Variants in SSNA1 observed in about 807,000 individuals in gnomAD.
SSNA1 encodes SS nuclear autoantigen 1.
Under a neutral mutation model 13.3 loss-of-function variants are expected in SSNA1, and 13 were observed. That is an observed-to-expected ratio of 0.97 (90% CI 0.63 to 1.55). The LOEUF (loss-of-function observed/expected upper bound fraction) is 1.55. Ranked by LOEUF, SSNA1 falls within the 40% of genes most tolerant of loss-of-function variation. The pLI is 0.00. For synonymous variants in SSNA1, 89 were observed against 65.9 expected, an observed-to-expected ratio of 1.35 and a Z score of -1.70; for missense variants, 186 against 152.7, an observed-to-expected ratio of 1.22 and a Z score of -1.15.
Position 137,189,901 on chromosome 9 carries a change from G to C in SSNA1, c.347G>C (p.Gly116Ala). ...GCCCCAGACCAGAAAAGTAGCGGCG[G>C]CAGGGACAGCTGACCAGACCACGGG... is the stretch of plus-strand genomic sequence containing the variant. ...ATAPDQKSSG[G>A]RDS is the part of the protein sequence containing the mutation. The change falls in exon 3 of 3, where the codon GGC becomes GCC. Residue 116 changes from glycine (G) to alanine (A), a missense_variant. Coordinates refer to ENST00000322310, the MANE Select transcript of SSNA1 (RefSeq NM_003731.3). 1 of 1,613,424 alleles carries C rather than the reference G, an allele frequency of 6.2e-7. No individual in the cohort carries two copies. The highest frequency in any genetic ancestry group is 1.3e-5 in the African/African-American group (1 of 75,070).
In SSNA1 at chr9:137,189,063, C is replaced by CA. The variant is rs1293880723; in HGVS notation, c.53-2dup. 2 of 1,560,492 alleles carry CA rather than the reference C, an allele frequency of 1.3e-6. No homozygotes were observed. The highest frequency in any genetic ancestry group is 2.4e-5 in the East Asian group (1 of 41,422). On this transcript the variant is annotated splice_polypyrimidine_tract_variant and splice_region_variant and intron_variant, in intron 1 of 2. Transcript: ENST00000322310. ...CCACAGCGCCGCCCCTCCCGGCCCC[C>CA]AGGCATAGAGGAGCTGTGCCAGAAG...
Position 137,188,680 on chromosome 9 carries a change from C to T in SSNA1, c.-47C>T, listed in dbSNP as rs772302205. The T allele has an allele frequency of 2.5e-5, 40 of 1,572,394 alleles. No homozygotes were observed. Among genetic ancestry groups the T allele is most frequent in the East Asian group, 9.6e-5 (4 of 41,840 alleles). On this transcript the variant is annotated 5_prime_UTR_variant, in exon 1 of 3. Transcript: ENST00000322310. Reference sequence around the variant, plus strand: ...GAGTCGTGCGCAGGCGCGGACAGCGCTGCTTCCGCGGCGGTTGGGGTGGTG... The same window carrying T: ...GAGTCGTGCGCAGGCGCGGACAGCGTTGCTTCCGCGGCGGTTGGGGTGGTG...
chr9:137,189,232 G>A lies in SSNA1; in HGVS notation c.219G>A (p.Arg73=). 6.2e-7 allele frequency: 1 copy of A among 1,613,148 alleles called. No homozygotes were observed. Among genetic ancestry groups the A allele is most frequent in the Non-Finnish European group, 8.5e-7 (1 of 1,179,988 alleles). ...TTGCCTCTCGCAACGAGTTCGACCG[G>A]ACCATCGCGGAGACGGAGGCCGCCT... ...RKIASRNEFD[R]TIAETEAAYL... The change falls in exon 2 of 3, where the codon CGG becomes CGA. Residue 73 remains arginine, a synonymous_variant. Coordinates refer to ENST00000322310, the MANE Select transcript of SSNA1 (RefSeq NM_003731.3).
At chr9:137,189,351 T>A in intron 2 of SSNA1, 86 bp downstream of exon 2, 1 of 1,491,234 alleles carries the variant, frequency 6.7e-7, no homozygotes, top group Non-Finnish European at 9.2e-7. Flanking sequence ...CGGCTGGGGC[T>A]CCCGGCTGTG....
chr9:137,188,721 T>A lies in SSNA1; in HGVS notation c.-6T>A, dbSNP rs1366918887. The A allele has an allele frequency of 6.3e-7, 1 of 1,583,526 alleles. No individual in the cohort carries two copies. Among genetic ancestry groups the A allele is most frequent in the Non-Finnish European group, 8.5e-7 (1 of 1,172,876 alleles). On this transcript the variant is annotated 5_prime_UTR_variant, in exon 1 of 3. The change creates a new upstream start codon in the 5' untranslated region. Transcript: ENST00000322310. ...TGGGGTGGTGGGGCCCCGGGCGGCG[T>A]TGACCATGACCCAGCAGGGCGCGGC...
Position 137,190,005 on chromosome 9 carries a change from G to C in SSNA1, c.*91G>C. On this transcript the variant is annotated 3_prime_UTR_variant, in exon 3 of 3. Transcript: ENST00000322310. ...AGCATCTTTGTTCTTCACGGCAGCA[G>C]CTACCTTCCCTCACTGTCTCAGGTG... 2.6e-6 allele frequency: 3 copies of C among 1,172,400 alleles called. No homozygotes were observed. Among genetic ancestry groups the C allele is most frequent in the Non-Finnish European group, 3.7e-6 (3 of 809,160 alleles). The allele number at this position is 1,172,400 out of a possible 1,614,324, so 72.6% of individuals were successfully genotyped here. A position where few individuals can be genotyped will look rare whatever the true frequency, so the allele number is the denominator to read the frequency against.
rs541298663 is a variant in SSNA1, at chr9:137,189,051, C to T, written c.53-15C>T. ...CCTGCCCTGGGCCCACAGCGCCGCC[C>T]CTCCCGGCCCCCAGGCATAGAGGAG... On this transcript the variant is annotated splice_polypyrimidine_tract_variant and intron_variant, in intron 1 of 2. Coordinates refer to ENST00000322310, the MANE Select transcript of SSNA1 (RefSeq NM_003731.3). 33 of 1,553,796 alleles carry T rather than the reference C, an allele frequency of 2.1e-5. No homozygotes were observed. The highest frequency in any genetic ancestry group is 1.7e-4 in the Middle Eastern group (1 of 5,924).
chr9:137,190,259 G>A lies in SSNA1; in HGVS notation c.*345G>A. 3.2e-6 allele frequency: 1 copy of A among 314,750 alleles called. No individual in the cohort carries two copies. The highest frequency in any genetic ancestry group is 6.1e-6 in the Non-Finnish European group (1 of 164,488). 19.5% of individuals were successfully genotyped at this position (314,750 alleles called of 1,614,324 possible). ...ACCTTGTCCCTCCTCAGCCAGCAGA[G>A]GCCCAGGGCAAGGGACAGGAGGACA... On this transcript the variant is annotated 3_prime_UTR_variant, in exon 3 of 3. Transcript: ENST00000322310.
Position 137,189,982 on chromosome 9 carries a change from C to A in SSNA1, c.*68C>A. On this transcript the variant is annotated 3_prime_UTR_variant, in exon 3 of 3. Coordinates refer to ENST00000322310, the MANE Select transcript of SSNA1 (RefSeq NM_003731.3). ...AGCCCCAGCAAGTGTGTGCTCAGAG[C>A]ATCTTTGTTCTTCACGGCAGCAGCT... The A allele has an allele frequency of 7.2e-7, 1 of 1,386,108 alleles. No individual in the cohort carries two copies. Among genetic ancestry groups the A allele is most frequent in the Non-Finnish European group, 1.0e-6 (1 of 983,900 alleles). 85.9% of individuals were successfully genotyped at this position (1,386,108 alleles called of 1,614,324 possible). A position where few individuals can be genotyped will look rare whatever the true frequency, so the allele number is the denominator to read the frequency against.
Position 137,189,199 on chromosome 9 carries a change from A to C in SSNA1, c.186A>C (p.Ala62=). Residue 62 remains alanine (A), a synonymous_variant, in exon 2 of 3, where the codon GCA becomes GCC. Transcript: ENST00000322310. ...TGGCCCGCGTCAACGAGAACCTGGC[A>C]CGCAAGATTGCCTCTCGCAACGAGT... ...EKLARVNENL[A]RKIASRNEFD... 1 of 1,613,194 alleles carries C rather than the reference A, an allele frequency of 6.2e-7. No individual in the cohort carries two copies. Among genetic ancestry groups the C allele is most frequent in the Non-Finnish European group, 8.5e-7 (1 of 1,179,990 alleles).
chr9:137,189,244 G>C lies in SSNA1; in HGVS notation c.231G>C (p.Glu77Asp). The C allele has an allele frequency of 6.2e-7, 1 of 1,613,110 alleles. No individual in the cohort carries two copies. The highest frequency in any genetic ancestry group is 8.5e-7 in the Non-Finnish European group (1 of 1,179,980). ...ACGAGTTCGACCGGACCATCGCGGAGACGGAGGCCGCCTACCTCAAGGTGG... is the reference window on the plus strand; with the variant it reads ...ACGAGTTCGACCGGACCATCGCGGACACGGAGGCCGCCTACCTCAAGGTGG... ...SRNEFDRTIA[E>D]TEAAYLKILE... The change falls in exon 2 of 3, where the codon GAG (glutamate) becomes GAC (aspartate). Residue 77 changes from glutamate (E) to aspartate (D), a missense_variant. Physicochemically the swap from Glu to Asp is conservative, Grantham distance 45. Transcript: ENST00000322310.
chr9:137,190,086 C>T lies in SSNA1; in HGVS notation c.*172C>T. ...CATCAGTGACAAGCCCAGGGCACAG[C>T]CCACCCGGGGGTCCTCGCTTCATGC... On this transcript the variant is annotated 3_prime_UTR_variant, in exon 3 of 3. Coordinates refer to ENST00000322310, the MANE Select transcript of SSNA1 (RefSeq NM_003731.3). 1 of 620,098 alleles carries T rather than the reference C, an allele frequency of 1.6e-6. No homozygotes were observed. Among genetic ancestry groups the T allele is most frequent in the Non-Finnish European group, 2.8e-6 (1 of 353,512 alleles). The allele number at this position is 620,098 out of a possible 1,614,324, so 38.4% of individuals were successfully genotyped here.
At chr9:137,188,927 A>G in intron 1 of SSNA1, 139 bp from the exon 2 acceptor site, 1 of 1,320,188 alleles carries the variant, frequency 7.6e-7, no homozygotes, top group African/African-American at 1.6e-5. Context: ...CCGTGGCCCG[A>G]GCCCTCGCTG....
intron 2 of SSNA1, 114 bp downstream of exon 2, chr9:137,189,379 T>C: frequency 7.8e-7 from 1 of 1,278,564 alleles, no homozygotes; most frequent in African/African-American, 1.5e-5. Context: ...TGTGCCTCGC[T>C]GGCATTTCGG....
Position 137,190,167 on chromosome 9 carries a change from C to T in SSNA1, c.*253C>T. On this transcript the variant is annotated 3_prime_UTR_variant, in exon 3 of 3. Transcript: ENST00000322310. ...GGTCAGCTCTGCAAGGGGCTTGTCT[C>T]TGTGGCACCCACACTCCTGCCCTGC... The T allele has an allele frequency of 2.2e-6, 1 of 464,912 alleles. No individual in the cohort carries two copies. The highest frequency in any genetic ancestry group is 4.0e-5 in the East Asian group (1 of 24,772). 28.8% of individuals were successfully genotyped at this position (464,912 alleles called of 1,614,324 possible). A position where few individuals can be genotyped will look rare whatever the true frequency, so the allele number is the denominator to read the frequency against.
chr9:137,188,712 C>A lies in SSNA1; in HGVS notation c.-15C>A. On this transcript the variant is annotated 5_prime_UTR_variant, in exon 1 of 3. Transcript: ENST00000322310. ...CGCGGCGGTTGGGGTGGTGGGGCCCCGGGCGGCGTTGACCATGACCCAGCA... is the reference window on the plus strand; with the variant it reads ...CGCGGCGGTTGGGGTGGTGGGGCCCAGGGCGGCGTTGACCATGACCCAGCA... 4.4e-6 allele frequency: 7 copies of A among 1,580,644 alleles called. No homozygotes were observed. The highest frequency in any genetic ancestry group is 1.4e-5 in the African/African-American group (1 of 72,622).
At chr9:137,189,704 A>G in intron 2 of SSNA1, 103 bp from the exon 3 acceptor site, 1 of 1,057,640 alleles carries the variant, frequency 9.5e-7, no homozygotes, top group Non-Finnish European at 1.4e-6. Context: ...CCTTGGCTAC[A>G]GCACCCCCAG....
At position 137,188,690 on chromosome 9, in the gene SSNA1, G is replaced by C. The variant is rs1366675078; in HGVS notation, c.-37G>C. 2.0e-5 allele frequency: 32 copies of C among 1,573,348 alleles called. No individual in the cohort carries two copies. The highest frequency in any genetic ancestry group is 2.7e-5 in the Non-Finnish European group (31 of 1,168,684). ...CAGGCGCGGACAGCGCTGCTTCCGC[G>C]GCGGTTGGGGTGGTGGGGCCCCGGG... On this transcript the variant is annotated 5_prime_UTR_variant, in exon 1 of 3. Coordinates refer to ENST00000322310, the MANE Select transcript of SSNA1 (RefSeq NM_003731.3).
Position 137,189,451 on chromosome 9 carries a change from C to T in SSNA1, c.252+186C>T, listed in dbSNP as rs928776411. On this transcript the variant is annotated intron_variant, in intron 2 of 2. Transcript: ENST00000322310. ...GGCTGCTGTGGGAGTGACTGTGGGGCTGTCTGTGGGGCCTGGGGCATCCTG... is the reference window on the plus strand; with the variant it reads ...GGCTGCTGTGGGAGTGACTGTGGGGTTGTCTGTGGGGCCTGGGGCATCCTG... 4.6e-5 allele frequency among the ~76,000 whole-genome samples: 7 copies of T among 152,344 alleles called. No homozygotes were observed. In the East Asian group the frequency reaches 1.2e-3, roughly 25 times the overall value.
Sources: allele counts gnomAD v4.1 joint callset (sites outside exome capture counted in the v4.1 genomes callset), GRCh38; gene constraint gnomAD v4.1.1; transcripts MANE v1.5; gene names NCBI Gene and HGNC (gene_info 2026-07-23, HGNC 2026-07-21).